Variants in TTC29 observed in about 807,000 individuals in gnomAD.
TTC29 encodes tetratricopeptide repeat domain 29.
In TTC29, 49 loss-of-function variants were observed where a neutral mutation model predicts 58.1. The ratio of observed to expected loss-of-function variants is 0.84; its 90% confidence interval spans 0.67 to 1.07. TTC29 has a LOEUF of 1.07. Among genes scored for constraint, TTC29 ranks in the 50% least tolerant of loss-of-function variants. The probability of loss-of-function intolerance (pLI) is 0.00; values close to 1 mark genes in which losing one functional copy is unlikely to be tolerated. For missense variants in TTC29, 582 were observed against 555.6 expected, an observed-to-expected ratio of 1.05 and a Z score of -0.48; for synonymous variants, 209 against 196.8, an observed-to-expected ratio of 1.06 and a Z score of -0.52.
At chr4:146,714,593 A>C (rs1030132076) in intron 11 of TTC29, among the ~76,000 whole-genome samples, 1 of 151,656 alleles carries the variant, frequency 6.6e-6, no homozygotes, top group African/African-American at 2.4e-5. Flanking sequence ...AAAGTACGAA[A>C]AGAAAAAGAA....
At chr4:146,919,057 ATTAC>A (rs1329120778) in intron 4 of TTC29, among the ~76,000 whole-genome samples, 1 of 151,208 alleles carries the variant, frequency 6.6e-6, no homozygotes, top group East Asian at 1.9e-4. Flanking sequence ...TAAAAGTCTT[ATTAC>A]TTCCAAACTC....
At chr4:146,726,831 T>C (rs924244979) in intron 11 of TTC29, among the ~76,000 whole-genome samples, 46 of 152,050 alleles carry the variant, frequency 3.0e-4, no homozygotes, top group Non-Finnish European at 5.4e-4. Context: ...GTAAAGAAAA[T>C]AATAGGCCCT....
chr4:146,815,867 C>T (rs1751364449), intron 10 of TTC29, among the ~76,000 whole-genome samples: 1 of 152,160 alleles, frequency 6.6e-6, no homozygotes, highest in African/African-American at 2.4e-5. Flanking sequence ...AGCCTACCTC[C>T]AAACAACACC....
At chr4:146,887,651 T>C (rs768428795) in intron 6 of TTC29, among the ~76,000 whole-genome samples, 2 of 152,138 alleles carry the variant, frequency 1.3e-5, no homozygotes, top group South Asian at 4.1e-4. Context: ...AATTCATTTG[T>C]CTAAAAGAAT....
Position 146,794,316 on chromosome 4 carries a change from A to G in TTC29, c.1330+9141T>C, listed in dbSNP as rs1281772122. Among the ~76,000 whole-genome samples the G allele has an allele frequency of 3.9e-5, 6 of 152,168 alleles. No individual in the cohort carries two copies. The South Asian group carries it at 1.2e-3, about 32-fold the overall frequency. Reference sequence around the variant, plus strand: ...CCTACTAAGATTTTAATGAAAAAATATTGTTTCTTTTGCTCACATTGTATT... The same window carrying G: ...CCTACTAAGATTTTAATGAAAAAATGTTGTTTCTTTTGCTCACATTGTATT... On this transcript the variant is annotated intron_variant, in intron 11 of 12. Transcript: ENST00000325106.
chr4:146,737,597 G>GGT (rs1554007333), intron 11 of TTC29, among the ~76,000 whole-genome samples: 1 of 150,178 alleles, frequency 6.7e-6, no homozygotes, highest in East Asian at 2.0e-4. Context: ...CCCTGGGGGG[G>GGT]GGGGGGCTAC....
In TTC29 at chr4:146,820,907, C is replaced by A. The variant is rs572589649; in HGVS notation, c.978-659G>T. Reference sequence around the variant, plus strand: ...ATTAGCCAGGCATGGTGGTGGGCACCTGTAGTCCCAGCTACTCAGGAGGCT... The same window carrying A: ...ATTAGCCAGGCATGGTGGTGGGCACATGTAGTCCCAGCTACTCAGGAGGCT... On this transcript the variant is annotated intron_variant, in intron 9 of 12. Coordinates refer to ENST00000325106, the MANE Select transcript of TTC29 (RefSeq NM_031956.4). 9.2e-5 allele frequency among the ~76,000 whole-genome samples: 14 copies of A among 152,102 alleles called. 1 individual carries two copies. The highest frequency in any genetic ancestry group is 1.9e-4 in the Non-Finnish European group (13 of 67,990).
intron 6 of TTC29, among the ~76,000 whole-genome samples, chr4:146,895,670 C>G (rs146215878): frequency 2.4e-4 from 36 of 152,232 alleles, no homozygotes; most frequent in Admixed American, 9.2e-4. Flanking sequence ...AGAATAGAGA[C>G]TCTGATTAGA....
At chr4:146,939,762 A>C in intron 3 of TTC29, 42 bp downstream of exon 3, 1 of 1,509,264 alleles carries the variant, frequency 6.6e-7, no homozygotes, top group Non-Finnish European at 9.0e-7. Flanking sequence ...ATTACAGAAA[A>C]TTCCTTCTGT....
chr4:146,830,565 A>G (rs1042550512), intron 9 of TTC29, among the ~76,000 whole-genome samples: 5 of 152,202 alleles, frequency 3.3e-5, no homozygotes, highest in African/African-American at 4.8e-5. Context: ...GTCTACCATT[A>G]GTGAAACTTG....
chr4:146,901,529 C>T (rs1733148744), intron 6 of TTC29, among the ~76,000 whole-genome samples: 2 of 152,220 alleles, frequency 1.3e-5, no homozygotes, highest in South Asian at 4.1e-4. Flanking sequence ...CTAAGCCTCC[C>T]TGTCTAATTT....
At chr4:146,800,429 GT>G (rs543258570) in intron 11 of TTC29, among the ~76,000 whole-genome samples, 141 of 151,996 alleles carry the variant, frequency 9.3e-4, no homozygotes, top group African/African-American at 3.4e-3. Flanking sequence ...TCTTTGATCT[GT>G]TTTTTTTCTG....
chr4:146,874,991 G>T, intron 6 of TTC29, 63 bp from the exon 7 acceptor site: 1 of 1,341,874 alleles, frequency 7.5e-7, no homozygotes. Context: ...CAGAAATTTT[G>T]CATACGTTTT....
intron 6 of TTC29, among the ~76,000 whole-genome samples, chr4:146,895,955 G>A (rs552498616): frequency 6.6e-6 from 1 of 151,948 alleles, no homozygotes; most frequent in African/African-American, 2.4e-5. Context: ...ATAAGATAGA[G>A]AAGTAATCAA....
intron 11 of TTC29, among the ~76,000 whole-genome samples, chr4:146,736,292 G>C (rs1744703222): frequency 6.6e-6 from 1 of 151,796 alleles, no homozygotes; most frequent in South Asian, 2.1e-4. Context: ...AGAAGTTCCT[G>C]GAACTAGGAC....
intron 8 of TTC29, among the ~76,000 whole-genome samples, chr4:146,863,947 A>G (rs1730406465): frequency 6.6e-6 from 1 of 152,254 alleles, no homozygotes; most frequent in East Asian, 1.9e-4. Flanking sequence ...GCTTTACTCA[A>G]TCCACCGATT....
intron 11 of TTC29, among the ~76,000 whole-genome samples, chr4:146,724,231 G>A (rs999639601): frequency 2.6e-5 from 4 of 152,162 alleles, no homozygotes; most frequent in African/African-American, 9.7e-5. Flanking sequence ...AAACGGGGAG[G>A]CAGAGAAGGA....
At chr4:146,918,286 A>G (rs1456528191) in intron 4 of TTC29, among the ~76,000 whole-genome samples, 2 of 151,046 alleles carry the variant, frequency 1.3e-5, no homozygotes, top group Non-Finnish European at 3.0e-5. Flanking sequence ...AAAACTAGTA[A>G]TAATTAAGGA....
At chr4:146,889,475 C>A (rs752077512) in intron 6 of TTC29, among the ~76,000 whole-genome samples, 11 of 151,940 alleles carry the variant, frequency 7.2e-5, no homozygotes, top group Non-Finnish European at 1.5e-4. Context: ...TCATCAATGC[C>A]CTTCTCCAGA....
Sources: allele counts gnomAD v4.1 joint callset (sites outside exome capture counted in the v4.1 genomes callset), GRCh38; gene constraint gnomAD v4.1.1; transcripts MANE v1.5; gene names NCBI Gene and HGNC (gene_info 2026-07-23, HGNC 2026-07-21).